The following CCL28 variants were observed in gnomAD, a reference collection of about 807,000 sequenced individuals.
CCL28 encodes the protein C-C motif chemokine ligand 28, also known as C-C motif chemokine 28.
A neutral mutation model predicts 7.1 loss-of-function variants in CCL28; 4 were observed. The ratio of observed to expected loss-of-function variants is 0.56; its 90% CI spans 0.28 to 1.29. The LOEUF (loss-of-function observed/expected upper bound fraction) is 1.29, where lower values mean the gene tolerates loss of function less well. Ranked by LOEUF, CCL28 falls within the 50% of genes most tolerant of loss-of-function variation. The probability of loss-of-function intolerance (pLI) is 0.11; values close to 1 mark genes in which losing one functional copy is unlikely to be tolerated. For missense variants in CCL28, 151 were observed against 163.4 expected (o/e 0.92, Z 0.41); for synonymous variants, 55 against 57.8 (o/e 0.95, Z 0.22).
intron 1 of CCL28, among the ~76,000 whole-genome samples, chr5:43,399,922 C>T (rs6451688): frequency 0.12 from 17,444 of 151,328 alleles, 2,145 homozygotes; most frequent in African/African-American, 0.31. Context: ...CACGGCTCAC[C>T]GCAGCCTTGA....
intron 1 of CCL28, among the ~76,000 whole-genome samples, chr5:43,396,328 C>A (rs1160579225): frequency 1.1e-4 from 17 of 152,198 alleles, no homozygotes; most frequent in Non-Finnish European, 1.5e-5. Context: ...TTCTTCACTG[C>A]AACCTGTTTT....
downstream of CCL28, among the ~76,000 whole-genome samples, chr5:43,374,780 C>CAAAA (rs10540720): frequency 9.1e-6 from 1 of 109,420 alleles, no homozygotes; most frequent in African/African-American, 3.4e-5. Context: ...GACTCTGTCT[C>CAAAA]AAAAAAAAAA....
chr5:43,380,338 T>C lies in CCL28; in HGVS notation c.*1522A>G, dbSNP rs1351313559. On this transcript the variant is annotated 3_prime_UTR_variant, in exon 3 of 3. Coordinates refer to ENST00000361115, the MANE Select transcript of CCL28 (RefSeq NM_148672.3). ...TCTTTTCAGTATCAGAAAATTTCAA[T>C]CCAAACAACGGTAGCTACTCAAACT... 6.6e-6 allele frequency: 1 copy of C among 152,128 alleles called. No homozygotes were observed. The highest frequency in any genetic ancestry group is 1.5e-5 in the Non-Finnish European group (1 of 68,026). 9.4% of individuals were successfully genotyped at this position (152,128 alleles called of 1,614,324 possible).
At chr5:43,390,394 T>A in intron 1 of CCL28, among the ~76,000 whole-genome samples, 1 of 151,958 alleles carries the variant, frequency 6.6e-6, no homozygotes, top group East Asian at 1.9e-4. Context: ...AGTCCAGAGG[T>A]ATGAATGAGC....
At chr5:43,395,557 G>C (rs555256206) in intron 1 of CCL28, among the ~76,000 whole-genome samples, 59 of 152,162 alleles carry the variant, frequency 3.9e-4, no homozygotes, top group African/African-American at 1.4e-3. Context: ...CCACCTACTT[G>C]GGAGGCTAAG....
chr5:43,358,573 A>C, the CCL28 span, among the ~76,000 whole-genome samples: 4 of 152,262 alleles, frequency 2.6e-5, no homozygotes, highest in South Asian at 8.3e-4. Flanking sequence ...GATCTGTTGG[A>C]CCTAGTGCAG....
chr5:43,378,733 T>TG (rs1283637255), downstream of CCL28, among the ~76,000 whole-genome samples: 1 of 152,172 alleles, frequency 6.6e-6, no homozygotes, highest in Admixed American at 6.5e-5. Context: ...GAGGCCGAGG[T>TG]GGGTGGATCA....
intron 2 of CCL28, among the ~76,000 whole-genome samples, chr5:43,387,373 C>G (rs1740382805): frequency 1.3e-5 from 2 of 152,128 alleles, no homozygotes. Flanking sequence ...TGTCAGAATC[C>G]AGATTTACTA....
chr5:43,408,033 CT>C (rs1262082458), intron 1 of CCL28, among the ~76,000 whole-genome samples: 1 of 152,228 alleles, frequency 6.6e-6, no homozygotes, highest in Non-Finnish European at 1.5e-5. Flanking sequence ...CACTTTTACA[CT>C]GTTAGTGGGA....
the CCL28 span, among the ~76,000 whole-genome samples, chr5:43,367,556 G>A: frequency 2.6e-5 from 4 of 152,168 alleles, no homozygotes; most frequent in Non-Finnish European, 5.9e-5. Context: ...CCCTCTTTAG[G>A]CTGCACCCAC....
the CCL28 span, among the ~76,000 whole-genome samples, chr5:43,357,785 G>GA: frequency 6.6e-6 from 1 of 152,080 alleles, no homozygotes; most frequent in Non-Finnish European, 1.5e-5. Flanking sequence ...TTCATGCTGT[G>GA]AAAAAAATAA....
At chr5:43,383,557 C>A (rs1740210326) in intron 2 of CCL28, among the ~76,000 whole-genome samples, 1 of 151,802 alleles carries the variant, frequency 6.6e-6, no homozygotes, top group Admixed American at 6.6e-5. Flanking sequence ...TAATATATTC[C>A]CTATGTGTAT....
chr5:43,408,728 G>C (rs1014447341), intron 1 of CCL28, among the ~76,000 whole-genome samples: 6 of 152,042 alleles, frequency 3.9e-5, no homozygotes, highest in Non-Finnish European at 7.4e-5. Context: ...CCTCTGGAGA[G>C]GGGAGAGGGA....
At chr5:43,365,982 G>T in the CCL28 span, among the ~76,000 whole-genome samples, 1 of 152,114 alleles carries the variant, frequency 6.6e-6, no homozygotes, top group Non-Finnish European at 1.5e-5. Context: ...TATATTTCAT[G>T]AAGTTCTTGT....
chr5:43,395,094 G>A (rs1421020791), intron 1 of CCL28, among the ~76,000 whole-genome samples: 1 of 150,792 alleles, frequency 6.6e-6, no homozygotes, highest in Non-Finnish European at 1.5e-5. Context: ...ATAAGATAAA[G>A]ATTTTCTGTT....
intron 2 of CCL28, chr5:43,384,042 A>G (rs1198146807): frequency 1.1e-5 from 2 of 174,986 alleles, no homozygotes; most frequent in African/African-American, 2.4e-5. Context: ...GTGAGCTGAG[A>G]TCATGTCACT....
chr5:43,358,745 A>G, the CCL28 span, among the ~76,000 whole-genome samples: 5,026 of 152,298 alleles, frequency 0.033, 288 homozygotes, highest in African/African-American at 0.11. Flanking sequence ...TAAAAAATAT[A>G]TATTTACAGA....
the CCL28 span, among the ~76,000 whole-genome samples, chr5:43,359,835 C>T: frequency 2.6e-5 from 4 of 152,190 alleles, no homozygotes; most frequent in Admixed American, 6.5e-5. Context: ...ACCCCCCAGG[C>T]CTGTGACTCA....
At chr5:43,407,201 C>T (rs1300810975) in intron 1 of CCL28, among the ~76,000 whole-genome samples, 1 of 151,716 alleles carries the variant, frequency 6.6e-6, no homozygotes. Context: ...CTAAGCAAAA[C>T]AGAACAAAGC....
Sources: allele counts gnomAD v4.1 joint callset (sites outside exome capture counted in the v4.1 genomes callset), GRCh38; gene constraint gnomAD v4.1.1; transcripts MANE v1.5; gene names NCBI Gene and HGNC (gene_info 2026-07-23, HGNC 2026-07-21).